Variants in HTR2C observed in about 807,000 individuals in gnomAD.
HTR2C encodes 5-hydroxytryptamine (serotonin) receptor 2C, G protein-coupled.
Under a neutral mutation model 21.0 loss-of-function variants are expected in HTR2C, and 5 were observed. That is an observed-to-expected ratio of 0.24 (90% CI 0.12 to 0.50). The LOEUF is 0.50. Ranked by LOEUF, HTR2C falls within the 20% of genes least tolerant of loss-of-function variation. The probability of loss-of-function intolerance (pLI) is 0.98; values close to 1 mark genes in which losing one functional copy is unlikely to be tolerated. For missense variants in HTR2C, 271 were observed against 371.2 expected, an observed-to-expected ratio of 0.73 and a Z score of 2.22; for synonymous variants, 150 against 145.3, an observed-to-expected ratio of 1.03 and a Z score of -0.23.
intron 5 of HTR2C, among the ~76,000 whole-genome samples, chrX:114,892,572 T>C (rs2071266119): frequency 9.0e-6 from 1 of 111,595 alleles, no homozygotes; most frequent in Admixed American, 9.6e-5. Flanking sequence ...GCAAGCTTTC[T>C]GAGTAACAGA....
At chrX:114,772,820 G>A in intron 4 of HTR2C, among the ~76,000 whole-genome samples, 1 of 111,627 alleles carries the variant, frequency 9.0e-6, no homozygotes, top group Non-Finnish European at 1.9e-5. Flanking sequence ...ACTTTGGGAT[G>A]CCAGACTCTT....
chrX:114,839,938 G>A (rs1165478154), intron 4 of HTR2C, among the ~76,000 whole-genome samples: 2 of 110,612 alleles, frequency 1.8e-5, no homozygotes, highest in African/African-American at 3.3e-5. Context: ...ATTGACATTT[G>A]AGCTGTAGCC....
chrX:114,701,741 C>A (rs1346604069), intron 2 of HTR2C, among the ~76,000 whole-genome samples: 4 of 112,056 alleles, frequency 3.6e-5, no homozygotes, highest in African/African-American at 1.3e-4. Flanking sequence ...GAGAAGAAGG[C>A]TTCAGACGAT....
At chrX:114,711,283 T>G (rs1396692592) in intron 2 of HTR2C, among the ~76,000 whole-genome samples, 1 of 111,721 alleles carries the variant, frequency 9.0e-6, no homozygotes, top group Non-Finnish European at 1.9e-5. Context: ...GTAGAAAAAT[T>G]AAGTATGAAT....
At chrX:114,786,642 A>G (rs2070177156) in intron 4 of HTR2C, among the ~76,000 whole-genome samples, 1 of 111,195 alleles carries the variant, frequency 9.0e-6, no homozygotes, top group Non-Finnish European at 1.9e-5. Flanking sequence ...TGAATTTGTT[A>G]TGGGTGGAAA....
chrX:114,679,939 C>T (rs1931691490), intron 2 of HTR2C, among the ~76,000 whole-genome samples: 1 of 111,960 alleles, frequency 8.9e-6, no homozygotes, highest in African/African-American at 3.2e-5. Flanking sequence ...ATACTAAATT[C>T]ATAACTTTTG....
At chrX:114,772,924 G>A (rs2070020385) in intron 4 of HTR2C, among the ~76,000 whole-genome samples, 1 of 111,471 alleles carries the variant, frequency 9.0e-6, no homozygotes, top group African/African-American at 3.3e-5. Flanking sequence ...GAGTACTGAA[G>A]TCCTAGCTTC....
At chrX:114,670,080 A>C (rs1292768834) in intron 2 of HTR2C, among the ~76,000 whole-genome samples, 1 of 111,300 alleles carries the variant, frequency 9.0e-6, no homozygotes, top group Non-Finnish European at 1.9e-5. Flanking sequence ...CTCTACAAAA[A>C]TACAGAAATT....
chrX:114,836,252 C>A (rs2070781456), intron 4 of HTR2C, among the ~76,000 whole-genome samples: 1 of 111,491 alleles, frequency 9.0e-6, no homozygotes, highest in Non-Finnish European at 1.9e-5. Context: ...AGCTTCCTGG[C>A]TGCTTTGTTT....
intron 5 of HTR2C, among the ~76,000 whole-genome samples, chrX:114,848,778 A>G (rs2070893159): frequency 9.0e-6 from 1 of 111,228 alleles, no homozygotes; most frequent in African/African-American, 3.3e-5. Flanking sequence ...AGAAAAAAAA[A>G]TTTGTTTCTT....
intron 4 of HTR2C, among the ~76,000 whole-genome samples, chrX:114,842,654 C>G (rs1226115314): frequency 8.9e-6 from 1 of 111,947 alleles, no homozygotes; most frequent in Non-Finnish European, 1.9e-5. Context: ...TATTCTTCCA[C>G]CTGTGACCGG....
Position 114,908,163 on chromosome X carries a change from A to G in HTR2C, c.*748A>G, listed in dbSNP as rs946180143. On this transcript the variant is annotated 3_prime_UTR_variant, in exon 6 of 6. Transcript: ENST00000276198. ...CAGTGTTCAAATTCTGATTATTACA[A>G]CAAGCAAACTGAAATTAGTGTTTTC... 8.9e-6 allele frequency: 1 copy of G among 112,383 alleles called. No individual in the cohort carries two copies. Among genetic ancestry groups the G allele is most frequent in the East Asian group, 2.8e-4 (1 of 3,558 alleles). 9.3% of individuals were successfully genotyped at this position (112,383 alleles called of 1,213,427 possible).
intron 4 of HTR2C, among the ~76,000 whole-genome samples, chrX:114,790,550 G>A: frequency 9.0e-6 from 1 of 111,512 alleles, no homozygotes. Context: ...TCTACTTTAT[G>A]GGAATTCATT....
At chrX:114,748,631 G>A (rs1602744117) in intron 4 of HTR2C, among the ~76,000 whole-genome samples, 1 of 111,581 alleles carries the variant, frequency 9.0e-6, no homozygotes, top group East Asian at 2.8e-4. Context: ...TTTACTAAAA[G>A]GCATTTCAAT....
At chrX:114,725,130 C>T (rs1440907777) in intron 2 of HTR2C, among the ~76,000 whole-genome samples, 2 of 111,246 alleles carry the variant, frequency 1.8e-5, no homozygotes, top group East Asian at 5.7e-4. Context: ...TGGTTCCATT[C>T]TCCCTGTCAC....
intron 4 of HTR2C, chrX:114,775,588 A>G: frequency 4.0e-6 from 2 of 495,813 alleles, no homozygotes; most frequent in Non-Finnish European, 7.5e-6. Context: ...CAAAGGAAAG[A>G]GGATTGACAT....
At chrX:114,619,794 T>C (rs1320279814) in intron 2 of HTR2C, among the ~76,000 whole-genome samples, 1 of 111,470 alleles carries the variant, frequency 9.0e-6, no homozygotes, top group African/African-American at 3.3e-5. Context: ...TTACAGTTGA[T>C]AATTATACAT....
intron 5 of HTR2C, among the ~76,000 whole-genome samples, chrX:114,890,506 G>T (rs899953531): frequency 8.9e-6 from 1 of 111,942 alleles, no homozygotes; most frequent in Non-Finnish European, 1.9e-5. Context: ...CAGCCTGAAG[G>T]ACTTCCACTA....
intron 2 of HTR2C, among the ~76,000 whole-genome samples, chrX:114,623,228 A>G (rs12690128): frequency 4.7e-4 from 53 of 112,320 alleles, no homozygotes; most frequent in African/African-American, 1.6e-3. Context: ...TAAGCGAGTT[A>G]TCCACAGTCC....
Sources: gnomAD v4.1 joint callset for allele counts (sites outside exome capture counted in the v4.1 genomes callset) on GRCh38, gnomAD v4.1.1 for gene constraint, MANE v1.5 for transcripts, NCBI Gene and HGNC (gene_info 2026-07-23, HGNC 2026-07-21) for gene names.